Variants in NSG2 observed in about 807,000 individuals in gnomAD.
NSG2 encodes neuronal vesicle trafficking-associated protein 2.
Under a neutral mutation model 16.9 loss-of-function variants are expected in NSG2, and 4 were observed. That is an observed-to-expected ratio of 0.24 (90% confidence interval 0.12 to 0.54). NSG2 has a LOEUF of 0.54. Ranked by LOEUF, NSG2 falls within the 20% of genes least tolerant of loss-of-function variation. The pLI is 0.95. For synonymous variants in NSG2, 98 were observed against 88.7 expected, an observed-to-expected ratio of 1.11 and a Z score of -0.59; for missense variants, 179 against 221.1, an observed-to-expected ratio of 0.81 and a Z score of 1.21.
intron 3 of NSG2, among the ~76,000 whole-genome samples, chr5:174,095,702 T>TG (rs1471759654): frequency 2.0e-5 from 3 of 152,194 alleles, no homozygotes; most frequent in African/African-American, 7.2e-5. Context: ...GGGCCACCAC[T>TG]CGACCCACTT....
At chr5:174,063,858 T>C (rs1390616672) in intron 2 of NSG2, among the ~76,000 whole-genome samples, 1 of 152,066 alleles carries the variant, frequency 6.6e-6, no homozygotes, top group African/African-American at 2.4e-5. Context: ...CAAAATACAA[T>C]GATATATTTG....
chr5:174,061,629 G>C (rs961018037), intron 2 of NSG2, among the ~76,000 whole-genome samples: 2 of 152,116 alleles, frequency 1.3e-5, no homozygotes, highest in African/African-American at 4.8e-5. Flanking sequence ...TTTTGAGACA[G>C]AGTGTTGCTC....
At position 174,108,051 on chromosome 5, in the gene NSG2, G is replaced by C. The variant is rs529795439; in HGVS notation, c.*546G>C. 1 of 302,406 alleles carries C rather than the reference G, an allele frequency of 3.3e-6. No individual in the cohort carries two copies. Among genetic ancestry groups the C allele is most frequent in the African/African-American group, 2.3e-5 (1 of 44,382 alleles). The allele number at this position is 302,406 out of a possible 1,614,324, so 18.7% of individuals were successfully genotyped here. On this transcript the variant is annotated 3_prime_UTR_variant, in exon 5 of 5. Coordinates refer to ENST00000303177, the MANE Select transcript of NSG2 (RefSeq NM_015980.5). The stretch of plus-strand genomic sequence containing the variant: ...AAATGAGGAATGGCCGAGCTGGAGA[G>C]AAGAGCTGATTTTGGCATTACTAAG...
intron 3 of NSG2, among the ~76,000 whole-genome samples, chr5:174,065,404 G>A (rs566849257): frequency 2.6e-5 from 4 of 152,130 alleles, no homozygotes; most frequent in Non-Finnish European, 5.9e-5. Flanking sequence ...TGAGGCAGAA[G>A]TGGGCGGAGG....
intron 3 of NSG2, among the ~76,000 whole-genome samples, chr5:174,068,307 C>T (rs1760177363): frequency 6.6e-6 from 1 of 152,152 alleles, no homozygotes; most frequent in South Asian, 2.1e-4. Flanking sequence ...AAATAATTGC[C>T]TGGAATTTTT....
At chr5:174,081,009 G>A (rs1252247840) in intron 3 of NSG2, among the ~76,000 whole-genome samples, 1 of 151,092 alleles carries the variant, frequency 6.6e-6, no homozygotes, top group East Asian at 1.9e-4. Context: ...TGTTGATATT[G>A]TACAAGGAAT....
Position 174,104,326 on chromosome 5 carries a change from A to T in NSG2, c.312A>T (p.Gly104=). The T allele has an allele frequency of 6.2e-7, 1 of 1,612,214 alleles. No individual in the cohort carries two copies. Among genetic ancestry groups the T allele is most frequent in the Non-Finnish European group, 8.5e-7 (1 of 1,178,230 alleles). ...CCTATGATCACAGCTGCCCAGAGGG[A>T]TTCGTCTATAAGGTAAGAGGTGGTT... is the stretch of plus-strand genomic sequence containing the variant. ...AFTYDHSCPE[G]FVYKHKRCIP... Residue 104 remains glycine, a synonymous_variant, in exon 4 of 5, where the codon GGA becomes GGT. Coordinates refer to ENST00000303177, the MANE Select transcript of NSG2 (RefSeq NM_015980.5).
At chr5:174,103,379 T>C (rs768309680) in intron 3 of NSG2, among the ~76,000 whole-genome samples, 3 of 152,118 alleles carry the variant, frequency 2.0e-5, no homozygotes, top group Non-Finnish European at 4.4e-5. Context: ...AAATGTGAAA[T>C]TGACATATTC....
chr5:174,099,319 C>T (rs373529630), intron 3 of NSG2, among the ~76,000 whole-genome samples: 2 of 152,302 alleles, frequency 1.3e-5, no homozygotes, highest in East Asian at 1.9e-4. Flanking sequence ...CGGCCTGAGC[C>T]GGCCCTTCCT....
At chr5:174,065,897 A>C (rs926027278) in intron 3 of NSG2, among the ~76,000 whole-genome samples, 2 of 152,234 alleles carry the variant, frequency 1.3e-5, no homozygotes, top group African/African-American at 4.8e-5. Flanking sequence ...AGTACCTGCA[A>C]AGCACTTGGA....
At chr5:174,097,737 G>A (rs995580963) in intron 3 of NSG2, among the ~76,000 whole-genome samples, 5 of 150,594 alleles carry the variant, frequency 3.3e-5, no homozygotes, top group African/African-American at 1.2e-4. Flanking sequence ...GTGTGTCTCT[G>A]TGTCTGTGTG....
rs931742388 is a variant in NSG2, at chr5:174,072,589, C to G, written c.213+8274C>G. ...AGAGTTGGCATCAGTGAGTTACCTA[C>G]TAGGTCTCCTGCTGACTGGACCAGG... On this transcript the variant is annotated intron_variant, in intron 3 of 4. Transcript: ENST00000303177. This position sits in a 1 kb window ranked among gnomAD's most constrained non-coding sequence, Gnocchi z 4.0. Among the ~76,000 whole-genome samples the G allele has an allele frequency of 3.3e-5, 5 of 152,252 alleles. No individual in the cohort carries two copies. The highest frequency in any genetic ancestry group is 5.9e-5 in the Non-Finnish European group (4 of 68,042).
Position 174,107,444 on chromosome 5 carries a change from C to T in NSG2, c.455C>T (p.Pro152Leu), listed in dbSNP as rs777754127. 8 of 1,612,350 alleles carry T rather than the reference C, an allele frequency of 5.0e-6. No homozygotes were observed. Among genetic ancestry groups the T allele is most frequent in the South Asian group, 2.2e-5 (2 of 90,966 alleles). ...CAGAGCACTGCCCGGGCCATCGGGC[C>T]GTGGCTGTCAGCAGCCGCTGTCATC... The part of the protein sequence containing the change: ...AKQSTARAIG[P>L]WLSAAAVIHE... Residue 152 changes from proline to leucine, a missense_variant, in exon 5 of 5, where the codon CCG becomes CTG. Transcript: ENST00000303177. This position sits in a 1 kb window ranked among gnomAD's most constrained non-coding sequence, Gnocchi z 4.5.
intron 3 of NSG2, among the ~76,000 whole-genome samples, chr5:174,073,771 C>T (rs1008903614): frequency 1.3e-5 from 2 of 152,238 alleles, no homozygotes; most frequent in East Asian, 1.9e-4. Flanking sequence ...ACCACCCCAT[C>T]GCAAAAGGAT....
rs572648791 is a variant in NSG2 at position 174,108,434 on chromosome 5, T to G, written c.*929T>G. The G allele has an allele frequency of 1.2e-4, 19 of 152,618 alleles. No homozygotes were observed. The highest frequency in any genetic ancestry group is 4.6e-4 in the African/African-American group (19 of 41,544). 9.5% of individuals were successfully genotyped at this position (152,618 alleles called of 1,614,324 possible). A position where few individuals can be genotyped will look rare whatever the true frequency, so the allele number is the denominator to read the frequency against. ...AGGCACCTGACTTTTAAGTTTTTGT[T>G]TGTTTGTTGTTTCCCAAAGTGCTGA... On this transcript the variant is annotated 3_prime_UTR_variant, in exon 5 of 5. Coordinates refer to ENST00000303177, the MANE Select transcript of NSG2 (RefSeq NM_015980.5).
intron 3 of NSG2, chr5:174,081,439 A>G (rs1760463545): frequency 6.6e-6 from 1 of 152,098 alleles, no homozygotes; most frequent in African/African-American, 2.4e-5. Context: ...AATTATACTA[A>G]TATATTTTCA....
intron 3 of NSG2, among the ~76,000 whole-genome samples, chr5:174,102,182 T>A (rs1390865216): frequency 3.3e-5 from 5 of 152,142 alleles, no homozygotes; most frequent in Non-Finnish European, 7.4e-5. Context: ...TGTCTGCCCA[T>A]GAGATTTGGA....
chr5:174,050,690 C>T (rs1759874459), intron 2 of NSG2, among the ~76,000 whole-genome samples: 1 of 152,112 alleles, frequency 6.6e-6, no homozygotes, highest in South Asian at 2.1e-4. Context: ...GCCCCTTGAG[C>T]CCTCCCCCTG....
intron 3 of NSG2, among the ~76,000 whole-genome samples, chr5:174,093,630 C>G (rs924665323): frequency 6.6e-6 from 1 of 152,218 alleles, no homozygotes; most frequent in African/African-American, 2.4e-5. Flanking sequence ...ATCTTTGGGG[C>G]TCAGCCAGGA....
Sources: allele counts gnomAD v4.1 joint callset (sites outside exome capture counted in the v4.1 genomes callset), GRCh38; gene constraint gnomAD v4.1.1; non-coding constraint Gnocchi (gnomAD v3.1); transcripts MANE v1.5; gene names NCBI Gene and HGNC (gene_info 2026-07-23, HGNC 2026-07-21).